CNIH3: variants seen among roughly 807,000 people sequenced by gnomAD.
CNIH3 encodes protein cornichon homolog 3.
In CNIH3, 14 loss-of-function variants were observed where a neutral mutation model predicts 24.1. The observed-to-expected ratio is 0.58, with a 90% CI of 0.38 to 0.91. The LOEUF (loss-of-function observed/expected upper bound fraction) is 0.91, where lower values mean the gene tolerates loss of function less well. Among genes scored for constraint, CNIH3 ranks in the 40% least tolerant of loss-of-function variants. The probability of loss-of-function intolerance (pLI) is 0.00; values close to 1 mark genes in which losing one functional copy is unlikely to be tolerated. For missense variants in CNIH3, 178 were observed against 196.8 expected (o/e 0.90, Z 0.57); for synonymous variants, 68 against 73.8 (o/e 0.92, Z 0.40).
chr1:224,667,506 A>G (rs1685651100), intron 1 of CNIH3, among the ~76,000 whole-genome samples: 1 of 152,216 alleles, frequency 6.6e-6, no homozygotes, highest in Non-Finnish European at 1.5e-5. Context: ...TGGTCAGAGC[A>G]TCTAAGCGAC....
intron 1 of CNIH3, among the ~76,000 whole-genome samples, chr1:224,453,006 G>C (rs1675487926): frequency 6.7e-6 from 1 of 149,912 alleles, no homozygotes; most frequent in Non-Finnish European, 1.5e-5. Context: ...TGTAATCCCA[G>C]CTACTCGGGA....
At chr1:224,630,888 A>G (rs1485912479) in intron 1 of CNIH3, among the ~76,000 whole-genome samples, 1 of 152,028 alleles carries the variant, frequency 6.6e-6, no homozygotes, top group Non-Finnish European at 1.5e-5. Flanking sequence ...GATCCTTTGC[A>G]GTGTCTGTAA....
At chr1:224,591,506 A>G (rs528504124), downstream of CNIH3, among the ~76,000 whole-genome samples, 1 of 152,352 alleles carries the variant, frequency 6.6e-6, no homozygotes, top group African/African-American at 2.4e-5. Flanking sequence ...CATGATAAAG[A>G]GAGACCACAG....
chr1:224,590,403 G>A (rs1458575755), downstream of CNIH3, among the ~76,000 whole-genome samples: 1 of 152,178 alleles, frequency 6.6e-6, no homozygotes, highest in Non-Finnish European at 1.5e-5. Flanking sequence ...ATGCCAAACA[G>A]TCTCCTTTTT....
chr1:224,509,233 G>T (rs946889470), intron 1 of CNIH3, among the ~76,000 whole-genome samples: 5 of 152,328 alleles, frequency 3.3e-5, no homozygotes, highest in Admixed American at 2.0e-4. Flanking sequence ...TGAGACGCAA[G>T]AATTGCTTGA....
chr1:224,485,739 T>G (rs1677003181), intron 1 of CNIH3, among the ~76,000 whole-genome samples: 1 of 152,220 alleles, frequency 6.6e-6, no homozygotes, highest in South Asian at 2.1e-4. Context: ...GTGCTAGGAT[T>G]ACTAGCATGA....
intron 5 of CNIH3, among the ~76,000 whole-genome samples, chr1:224,586,174 G>A (rs1030578864): frequency 6.6e-6 from 1 of 152,160 alleles, no homozygotes; most frequent in Non-Finnish European, 1.5e-5. Flanking sequence ...GATGATCTGG[G>A]GACTTTGGGA....
chr1:224,480,686 A>C lies in CNIH3; in HGVS notation n.204-35055A>C, dbSNP rs1572333517. Among the ~76,000 whole-genome samples, 3 of 152,350 alleles carry C rather than the reference A, an allele frequency of 2.0e-5. No individual in the cohort carries two copies. In the South Asian group the frequency reaches 6.2e-4, roughly 32 times the overall value. ...AAATGCTGCCAGTCTCTGCTAAAAC[A>C]TAACAAGAGTCATTTTTGCCCCAGT... On this transcript the variant is annotated intron_variant and non_coding_transcript_variant, in intron 1 of 5. Coordinates refer to the CNIH3 transcript ENST00000471578.
chr1:224,481,295 C>G (rs1263886049), intron 1 of CNIH3, among the ~76,000 whole-genome samples: 1 of 152,250 alleles, frequency 6.6e-6, no homozygotes, highest in African/African-American at 2.4e-5. Flanking sequence ...GGTGGGAACA[C>G]AGCCAAACCA....
chr1:224,541,766 C>T (rs574268207), downstream of CNIH3, among the ~76,000 whole-genome samples: 6 of 152,244 alleles, frequency 3.9e-5, no homozygotes, highest in South Asian at 1.2e-3. Context: ...ATTCATGGTA[C>T]TCTGTCATTA....
At chr1:224,702,235 A>G (rs1687534149) in intron 3 of CNIH3, among the ~76,000 whole-genome samples, 1 of 152,190 alleles carries the variant, frequency 6.6e-6, no homozygotes, top group Non-Finnish European at 1.5e-5. Flanking sequence ...AGCTTTCATA[A>G]TATTCCATAG....
chr1:224,662,953 A>C (rs961665256), intron 1 of CNIH3, among the ~76,000 whole-genome samples: 1 of 152,114 alleles, frequency 6.6e-6, no homozygotes, highest in African/African-American at 2.4e-5. Flanking sequence ...CCAGACTCCA[A>C]AGAACACTAG....
chr1:224,617,073 A>G lies in CNIH3; in HGVS notation c.-102A>G. ...CCTCCTGGGCACTAGCCTGGAGAGG[A>G]GCGTGCAGACGCGGCTCCTTGGAGG... On this transcript the variant is annotated 5_prime_UTR_variant, in exon 1 of 6. Transcript: ENST00000272133. 10 of 1,537,798 alleles carry G rather than the reference A, an allele frequency of 6.5e-6. No individual in the cohort carries two copies. The highest frequency in any genetic ancestry group is 8.7e-6 in the Non-Finnish European group (10 of 1,149,492).
chr1:224,479,315 G>A (rs1266947199), intron 1 of CNIH3, among the ~76,000 whole-genome samples: 6 of 151,998 alleles, frequency 3.9e-5, no homozygotes, highest in South Asian at 2.1e-4. Context: ...CACCACGCCC[G>A]GCTAATTTTA....
At chr1:224,592,725 CA>C (rs1681811768), downstream of CNIH3, among the ~76,000 whole-genome samples, 1 of 152,156 alleles carries the variant, frequency 6.6e-6, no homozygotes, top group South Asian at 2.1e-4. Context: ...CTAGTTTTGA[CA>C]GCTGAAGTTG....
intron 1 of CNIH3, among the ~76,000 whole-genome samples, chr1:224,672,658 A>G (rs775248636): frequency 1.3e-5 from 2 of 152,094 alleles, no homozygotes; most frequent in Non-Finnish European, 2.9e-5. Flanking sequence ...TTTCTATCTC[A>G]TAAAGATGAC....
At chr1:224,535,219 G>A (rs1679236787) in intron 2 of CNIH3, among the ~76,000 whole-genome samples, 1 of 152,184 alleles carries the variant, frequency 6.6e-6, no homozygotes. Flanking sequence ...GCAGCGAGGA[G>A]AGCATCAAGA....
chr1:224,607,377 G>A (rs187845986), intron 3 of CNIH3, among the ~76,000 whole-genome samples: 60 of 152,318 alleles, frequency 3.9e-4, no homozygotes, highest in Non-Finnish European at 2.6e-4. Context: ...AGGGAAAAGA[G>A]CAGGCAGCAG....
chr1:224,519,000 G>T (rs1416002453), intron 1 of CNIH3, among the ~76,000 whole-genome samples: 2 of 152,128 alleles, frequency 1.3e-5, no homozygotes, highest in African/African-American at 4.8e-5. Flanking sequence ...ATCCATAAAA[G>T]GAATTAATAA....
Sources: allele counts gnomAD v4.1 joint callset (sites outside exome capture counted in the v4.1 genomes callset), GRCh38; gene constraint gnomAD v4.1.1; transcripts MANE v1.5; gene names NCBI Gene and HGNC (gene_info 2026-07-23, HGNC 2026-07-21).